The following DLG2 variants were observed in gnomAD, a reference collection of about 807,000 sequenced individuals.
The protein encoded by DLG2 is discs large MAGUK scaffold protein 2, also known as disks large homolog 2.
DLG2 carries 45 observed loss-of-function variants against 132.5 expected under a neutral mutation model. The observed-to-expected ratio is 0.34, with a 90% CI of 0.27 to 0.44. The LOEUF (loss-of-function observed/expected upper bound fraction) is 0.44. Among genes scored for constraint, DLG2 ranks in the 20% least tolerant of loss-of-function variants. The pLI is 1.00. For synonymous variants in DLG2, 424 were observed against 419.6 expected (o/e 1.01, Z -0.13); for missense variants, 1,045 against 1,196.9 (o/e 0.87, Z 1.87).
chr11:84,743,741 ATTTTC>A (rs1451674786), intron 6 of DLG2, among the ~76,000 whole-genome samples: 4 of 142,122 alleles, frequency 2.8e-5, no homozygotes, highest in African/African-American at 1.2e-4. Flanking sequence ...AGGAAAGAGA[ATTTTC>A]TTTTCTTTTT....
intron 9 of DLG2, among the ~76,000 whole-genome samples, chr11:84,161,178 G>A (rs1421964361): frequency 1.3e-5 from 2 of 152,076 alleles, no homozygotes; most frequent in African/African-American, 4.8e-5. Context: ...CTTGGACTGG[G>A]GTTTTGCTGG....
chr11:83,520,695 G>GATAGATAGATAGATAGATAGATAGA (rs1565616703), intron 21 of DLG2, among the ~76,000 whole-genome samples: 101 of 149,152 alleles, frequency 6.8e-4, no homozygotes, highest in Middle Eastern at 3.4e-3. Flanking sequence ...AAGTAGGTAG[G>GATAGATAGATAGATAGATAGATAGA]TAGATAGATA....
intron 6 of DLG2, among the ~76,000 whole-genome samples, chr11:84,939,143 GT>G (rs1377013337): frequency 1.3e-5 from 2 of 151,972 alleles, no homozygotes; most frequent in Non-Finnish European, 2.9e-5. Context: ...CTTTGACTAA[GT>G]GTCCTTATAG....
chr11:84,415,105 C>A (rs1827304086), intron 7 of DLG2, among the ~76,000 whole-genome samples: 1 of 152,116 alleles, frequency 6.6e-6, no homozygotes, highest in Admixed American at 6.6e-5. Context: ...TATTATTCCC[C>A]TAAAGGCAAA....
intron 6 of DLG2, among the ~76,000 whole-genome samples, chr11:84,650,608 A>G (rs947284235): frequency 2.6e-5 from 4 of 152,072 alleles, no homozygotes; most frequent in South Asian, 2.1e-4. Flanking sequence ...CCAATATCCT[A>G]TATCAGGTAA....
intron 7 of DLG2, among the ~76,000 whole-genome samples, chr11:84,265,213 T>C (rs528772254): frequency 6.6e-6 from 1 of 152,302 alleles, no homozygotes; most frequent in South Asian, 2.1e-4. Context: ...ATTATGCAAT[T>C]TGTAAATGTA....
At chr11:84,526,818 G>T (rs1314924035) in intron 7 of DLG2, among the ~76,000 whole-genome samples, 2 of 129,270 alleles carry the variant, frequency 1.5e-5, no homozygotes, top group Non-Finnish European at 3.1e-5. Context: ...TTGCTCTGTC[G>T]CCCAGGCTGG....
chr11:83,783,342 T>G (rs993085791), intron 18 of DLG2, among the ~76,000 whole-genome samples: 44 of 152,218 alleles, frequency 2.9e-4, no homozygotes, highest in Non-Finnish European at 5.3e-4. Flanking sequence ...AAAGAAGACA[T>G]TTATTGCTAC....
In DLG2 at chr11:84,364,078, T is replaced by G. The variant is rs1435465776; in HGVS notation, c.520-112787A>C. ...ATTGGTAGCTTGATGGGGATGGCAT[T>G]GAATCTATAAATTACCTTGGGCAGT... On this transcript the variant is annotated intron_variant, in intron 7 of 27. Transcript: ENST00000376104. Among the ~76,000 whole-genome samples, 5 of 152,240 alleles carry G rather than the reference T, an allele frequency of 3.3e-5. No individual in the cohort carries two copies. The East Asian group carries it at 9.7e-4, about 29-fold the overall frequency.
At chr11:85,061,379 T>G (rs1455342553) in intron 6 of DLG2, among the ~76,000 whole-genome samples, 1 of 151,806 alleles carries the variant, frequency 6.6e-6, no homozygotes, top group African/African-American at 2.4e-5. Flanking sequence ...TTTGAACTAT[T>G]CTGCTGTTTT....
intron 3 of DLG2, among the ~76,000 whole-genome samples, chr11:85,331,938 T>A (rs994321835): frequency 6.6e-6 from 1 of 152,220 alleles, no homozygotes; most frequent in Non-Finnish European, 1.5e-5. Flanking sequence ...CAAGTACATA[T>A]GTCTTTTGGG....
intron 8 of DLG2, among the ~76,000 whole-genome samples, chr11:84,194,360 G>C (rs12794445): frequency 0.039 from 5,879 of 152,190 alleles, 173 homozygotes; most frequent in Non-Finnish European, 0.06. Context: ...TTCTTCTGGT[G>C]GGTTCATGGT....
chr11:83,542,309 G>C (rs892182425), intron 19 of DLG2, among the ~76,000 whole-genome samples: 18 of 152,160 alleles, frequency 1.2e-4, no homozygotes, highest in South Asian at 1.0e-3. Context: ...TCAGCCTGTA[G>C]AACTGTTTCT....
intron 16 of DLG2, among the ~76,000 whole-genome samples, chr11:83,872,292 C>A (rs918938273): frequency 6.6e-6 from 1 of 152,104 alleles, no homozygotes; most frequent in Non-Finnish European, 1.5e-5. Flanking sequence ...ATACTATTTT[C>A]CCTTTTAGCT....
Position 85,426,132 on chromosome 11 carries a change from C to T in DLG2, c.41-140767G>A, listed in dbSNP as rs1490973634. On this transcript the variant is annotated intron_variant, in intron 3 of 27. Transcript: ENST00000376104. ...CCGAGGCTTGAGTAGGTAAACAAAG[C>T]AGCAGGGAAGCTCGAACTGGGTAGA... Among the ~76,000 whole-genome samples, 6 of 152,326 alleles carry T rather than the reference C, an allele frequency of 3.9e-5. No individual in the cohort carries two copies. In the East Asian group the frequency reaches 1.2e-3, roughly 29 times the overall value.
intron 16 of DLG2, among the ~76,000 whole-genome samples, chr11:83,858,052 T>A (rs546062166): frequency 6.6e-6 from 1 of 152,296 alleles, no homozygotes; most frequent in East Asian, 1.9e-4. Context: ...ATTGCAGCAC[T>A]GGGGACCAAA....
chr11:83,492,047 A>C (rs564652919), intron 21 of DLG2, among the ~76,000 whole-genome samples: 1 of 152,224 alleles, frequency 6.6e-6, no homozygotes, highest in East Asian at 1.9e-4. Flanking sequence ...GTGCTACAGC[A>C]GCAGAATTGA....
Position 83,456,599 on chromosome 11 carries a change from G to A in DLG2, c.*3219C>T, listed in dbSNP as rs1214956954. ...GAAAGGGAATAGAGAAGGATTATAG[G>A]AGAAAGTCAACAACTCAGAGATGGT... On this transcript the variant is annotated 3_prime_UTR_variant, in exon 28 of 28. Coordinates refer to ENST00000376104, the MANE Select transcript of DLG2 (RefSeq NM_001142699.3). 1 of 151,324 alleles carries A rather than the reference G, an allele frequency of 6.6e-6. No individual in the cohort carries two copies. Among genetic ancestry groups the A allele is most frequent in the Non-Finnish European group, 1.5e-5 (1 of 68,008 alleles). 9.4% of individuals were successfully genotyped at this position (151,324 alleles called of 1,614,324 possible).
At chr11:85,069,323 G>T (rs2065425869) in intron 6 of DLG2, among the ~76,000 whole-genome samples, 1 of 152,098 alleles carries the variant, frequency 6.6e-6, no homozygotes, top group African/African-American at 2.4e-5. Context: ...AAACTAAAGA[G>T]CTTCTGCACA....
Sources: gnomAD v4.1 joint callset for allele counts (sites outside exome capture counted in the v4.1 genomes callset) on GRCh38, gnomAD v4.1.1 for gene constraint, MANE v1.5 for transcripts, NCBI Gene and HGNC (gene_info 2026-07-23, HGNC 2026-07-21) for gene names.